Variants in IGF2BP1 observed in about 807,000 individuals in gnomAD.
The protein encoded by IGF2BP1 is insulin-like growth factor 2 mRNA-binding protein 1.
A neutral mutation model predicts 74.9 loss-of-function variants in IGF2BP1; 11 were observed. The ratio of observed to expected loss-of-function variants is 0.15; its 90% CI spans 0.09 to 0.24. The LOEUF (loss-of-function observed/expected upper bound fraction) is 0.24, where lower values mean the gene tolerates loss of function less well. IGF2BP1 is among the 10% of genes least tolerant of loss of function. IGF2BP1 has a pLI of 1.00. For missense variants in IGF2BP1, 440 were observed against 757.4 expected, an observed-to-expected ratio of 0.58 and a Z score of 4.92; for synonymous variants, 287 against 281.8, an observed-to-expected ratio of 1.02 and a Z score of -0.18.
chr17:49,046,642 A>C (rs970596872), intron 14 of IGF2BP1, among the ~76,000 whole-genome samples: 7 of 148,978 alleles, frequency 4.7e-5, no homozygotes, highest in African/African-American at 1.7e-4. Flanking sequence ...TAAATAACAT[A>C]TATATGAATA....
intron 8 of IGF2BP1, 133 bp downstream of exon 8, chr17:49,041,633 G>C (rs62078404): frequency 0.024 from 29,136 of 1,221,678 alleles, 429 homozygotes; most frequent in Admixed American, 0.027. Context: ...AAAAACAGTC[G>C]AAGTGGTAAA....
At position 49,001,813 on chromosome 17, in the gene IGF2BP1, A is replaced by G. The variant is rs151068729; in HGVS notation, c.236+2644A>G. Reference sequence around the variant, plus strand: ...AAACAGTTGTGGAAAGGGCTTGTATATGTTTTATTCTGAGAGACTTAGGAG... The same window carrying G: ...AAACAGTTGTGGAAAGGGCTTGTATGTGTTTTATTCTGAGAGACTTAGGAG... On this transcript the variant is annotated intron_variant, in intron 2 of 14. Coordinates refer to ENST00000290341, the MANE Select transcript of IGF2BP1 (RefSeq NM_006546.4). Among the ~76,000 whole-genome samples, 324 of 152,252 alleles carry G rather than the reference A, an allele frequency of 2.1e-3. 1 individual carries two copies. Among genetic ancestry groups the G allele is most frequent in the African/African-American group, 7.4e-3 (307 of 41,568 alleles).
Position 49,050,981 on chromosome 17 carries a change from C to G in IGF2BP1, c.*1537C>G, listed in dbSNP as rs1567831153. 6.6e-6 allele frequency: 1 copy of G among 152,580 alleles called. No homozygotes were observed. Among genetic ancestry groups the G allele is most frequent in the Admixed American group, 6.5e-5 (1 of 15,280 alleles). 9.5% of individuals were successfully genotyped at this position (152,580 alleles called of 1,614,324 possible). A position where few individuals can be genotyped will look rare whatever the true frequency, so the allele number is the denominator to read the frequency against. On this transcript the variant is annotated 3_prime_UTR_variant, in exon 15 of 15. Coordinates refer to ENST00000290341, the MANE Select transcript of IGF2BP1 (RefSeq NM_006546.4). ...CTCTCTACATATGGAAAAGCCCATG[C>G]GTGGAGTTCCCCTCCTTTCAACATT...
chr17:49,041,924 T>C (rs1414981591), intron 8 of IGF2BP1, among the ~76,000 whole-genome samples: 1 of 152,214 alleles, frequency 6.6e-6, no homozygotes, highest in Non-Finnish European at 1.5e-5. Context: ...GGCAAAGTAA[T>C]TGCTCTTGTC....
At chr17:49,005,044 C>T (rs1053985066) in intron 2 of IGF2BP1, among the ~76,000 whole-genome samples, 17 of 152,118 alleles carry the variant, frequency 1.1e-4, no homozygotes, top group Admixed American at 1.0e-3. Flanking sequence ...AGACTATGTA[C>T]TTATTACTGG....
chr17:48,999,055 C>A (rs2041448993), intron 1 of IGF2BP1, 54 bp from the exon 2 acceptor site: 3 of 1,106,832 alleles, frequency 2.7e-6, no homozygotes, highest in South Asian at 2.5e-5. Flanking sequence ...TTCCTCTTCC[C>A]ACCCCCAACC....
intron 1 of IGF2BP1, among the ~76,000 whole-genome samples, chr17:48,998,215 T>TG (rs2041433055): frequency 6.6e-6 from 1 of 151,904 alleles, no homozygotes. Context: ...CTGGCAGTAG[T>TG]GGGGGGTTGA....
chr17:49,027,854 A>G (rs371763364), intron 4 of IGF2BP1, among the ~76,000 whole-genome samples: 7 of 24,982 alleles, frequency 2.8e-4, no homozygotes, highest in South Asian at 2.6e-3. Flanking sequence ...TCTGTCTCAG[A>G]AAAAAAAAAA....
intron 5 of IGF2BP1, among the ~76,000 whole-genome samples, chr17:49,035,531 C>A (rs953378078): frequency 2.0e-5 from 3 of 152,212 alleles, no homozygotes; most frequent in Non-Finnish European, 2.9e-5. Flanking sequence ...TGGCAGCGGT[C>A]TGGGGCAGTG....
intron 2 of IGF2BP1, among the ~76,000 whole-genome samples, chr17:49,011,155 A>C (rs77662884): frequency 1.9e-4 from 28 of 144,772 alleles, no homozygotes; most frequent in African/African-American, 3.8e-4. Context: ...AAAAAAAAAA[A>C]AAAAAAAAAA....
In IGF2BP1 at chr17:49,024,012, G is replaced by A. The variant is rs1408380836; in HGVS notation, c.237-1606G>A. Among the ~76,000 whole-genome samples, 6 of 149,820 alleles carry A rather than the reference G, an allele frequency of 4.0e-5. No homozygotes were observed. The South Asian group carries it at 1.1e-3, about 26-fold the overall frequency. On this transcript the variant is annotated intron_variant, in intron 2 of 14. Coordinates refer to ENST00000290341, the MANE Select transcript of IGF2BP1 (RefSeq NM_006546.4). The stretch of plus-strand genomic sequence containing the variant: ...GCTCACTGCAACCTCTGCCTCCCTG[G>A]TTCAAGCGATCCTCCTGCCTCAGCC...
chr17:49,030,667 C>T (rs1025766870), intron 4 of IGF2BP1, among the ~76,000 whole-genome samples: 14 of 151,668 alleles, frequency 9.2e-5, no homozygotes, highest in Admixed American at 9.2e-4. Flanking sequence ...GCTCTGTCGC[C>T]CAGGCTGGAG....
chr17:49,043,350 C>T (rs1236819381), intron 9 of IGF2BP1, 78 bp from the exon 10 acceptor site: 31 of 1,546,816 alleles, frequency 2.0e-5, no homozygotes, highest in Middle Eastern at 4.5e-4. Flanking sequence ...TGGGGCTACT[C>T]GCCTTTTATA....
intron 2 of IGF2BP1, among the ~76,000 whole-genome samples, chr17:49,009,906 C>G (rs1461591759): frequency 6.6e-6 from 1 of 151,882 alleles, no homozygotes; most frequent in Non-Finnish European, 1.5e-5. Flanking sequence ...ATGGTGAAAC[C>G]CTGTCTCTAC....
chr17:49,033,040 C>T (rs1598149358), intron 5 of IGF2BP1, among the ~76,000 whole-genome samples: 1 of 152,218 alleles, frequency 6.6e-6, no homozygotes, highest in South Asian at 2.1e-4. Context: ...TGGTCTCGAA[C>T]GGCTCAAGTG....
intron 5 of IGF2BP1, among the ~76,000 whole-genome samples, chr17:49,034,756 C>CAAAAAAAAAAAAA (rs11388257): frequency 7.3e-6 from 1 of 136,208 alleles, no homozygotes; most frequent in African/African-American, 2.9e-5. Flanking sequence ...ACAAAAAAAA[C>CAAAAAAAAAAAAA]AAAAAAAACA....
intron 7 of IGF2BP1, among the ~76,000 whole-genome samples, chr17:49,040,931 C>T (rs554186401): frequency 1.3e-5 from 2 of 152,300 alleles, no homozygotes; most frequent in South Asian, 2.1e-4. Context: ...TGGCTGGGCA[C>T]GGTGGCTCAT....
intron 2 of IGF2BP1, among the ~76,000 whole-genome samples, chr17:49,011,975 TC>T (rs1328498561): frequency 4.7e-5 from 7 of 148,316 alleles, no homozygotes; most frequent in Non-Finnish European, 1.0e-4. Context: ...TGGTGCAATC[TC>T]GGCTCACTAC....
rs1483681481 is a variant in IGF2BP1 at position 49,052,240 on chromosome 17, A to G, written c.*2796A>G. On this transcript the variant is annotated 3_prime_UTR_variant, in exon 15 of 15. Transcript: ENST00000290341. ...CTCCCAGCTTTCCATCTCTGGCTCTATATGCTTTATCCCAAAACAAAGCAG... is the reference window on the plus strand; with the variant it reads ...CTCCCAGCTTTCCATCTCTGGCTCTGTATGCTTTATCCCAAAACAAAGCAG... 1 of 152,152 alleles carries G rather than the reference A, an allele frequency of 6.6e-6. No individual in the cohort carries two copies. Among genetic ancestry groups the G allele is most frequent in the Non-Finnish European group, 1.5e-5 (1 of 68,022 alleles). The allele number at this position is 152,152 out of a possible 1,614,324, so 9.4% of individuals were successfully genotyped here.
Sources: gnomAD v4.1 joint callset for allele counts (sites outside exome capture counted in the v4.1 genomes callset) on GRCh38, gnomAD v4.1.1 for gene constraint, MANE v1.5 for transcripts, NCBI Gene and HGNC (gene_info 2026-07-23, HGNC 2026-07-21) for gene names.